Variants in ERG observed in about 807,000 individuals in gnomAD.
ERG encodes the protein ETS transcription factor ERG.
A neutral mutation model predicts 55.3 loss-of-function variants in ERG; 9 were observed. That is an observed-to-expected ratio of 0.16 (90% confidence interval 0.10 to 0.28). The LOEUF is 0.28. Among genes scored for constraint, ERG ranks in the 10% least tolerant of loss-of-function variants. The pLI is 1.00. For missense variants in ERG, 434 were observed against 631.6 expected, an observed-to-expected ratio of 0.69 and a Z score of 3.35; for synonymous variants, 223 against 237.3, an observed-to-expected ratio of 0.94 and a Z score of 0.55.
intron 1 of ERG, among the ~76,000 whole-genome samples, chr21:38,634,926 A>G (rs913102864): frequency 6.6e-6 from 1 of 152,244 alleles, no homozygotes; most frequent in African/African-American, 2.4e-5. Flanking sequence ...GTGAATGGAT[A>G]AACAAAGTGT....
intron 1 of ERG, among the ~76,000 whole-genome samples, chr21:38,576,353 T>C (rs1460096064): frequency 1.3e-5 from 2 of 152,186 alleles, no homozygotes; most frequent in African/African-American, 4.8e-5. Context: ...GTTACTGATT[T>C]GTCCAGGATC....
chr21:38,374,534 T>C, the ERG span, among the ~76,000 whole-genome samples: 1 of 152,210 alleles, frequency 6.6e-6, no homozygotes, highest in Admixed American at 6.5e-5. Flanking sequence ...ACTACTTTAA[T>C]ATATTTAACT....
intron 8 of ERG, 44 bp downstream of exon 8, chr21:38,391,615 C>T: frequency 1.3e-6 from 2 of 1,495,370 alleles, no homozygotes; most frequent in South Asian, 2.4e-5. Flanking sequence ...GCTGCTGAGC[C>T]TGAATCTTCT....
At chr21:38,389,222 A>G (rs964436612) in intron 9 of ERG, among the ~76,000 whole-genome samples, 1 of 152,166 alleles carries the variant, frequency 6.6e-6, no homozygotes, top group Non-Finnish European at 1.5e-5. Flanking sequence ...AGACAGAGTC[A>G]GGTTTCTAAC....
chr21:38,642,076 G>T (rs1255849910), intron 1 of ERG, among the ~76,000 whole-genome samples: 1 of 152,154 alleles, frequency 6.6e-6, no homozygotes, highest in Admixed American at 6.5e-5. Context: ...GACATACGAT[G>T]GAATACTAGA....
intron 3 of ERG, among the ~76,000 whole-genome samples, chr21:38,420,024 A>T (rs1215324495): frequency 2.1e-5 from 3 of 145,826 alleles, no homozygotes; most frequent in Non-Finnish European, 3.0e-5. Flanking sequence ...TTTAGGAATA[A>T]CTGATGGTTT....
chr21:38,445,220 C>T (rs2058880210), intron 2 of ERG, among the ~76,000 whole-genome samples, 184 bp downstream of exon 2: 1 of 150,734 alleles, frequency 6.6e-6, no homozygotes, highest in Non-Finnish European at 1.5e-5. Flanking sequence ...CGGCTCACTG[C>T]AACCTCTGCC....
chr21:38,393,138 C>T (rs1380570278), intron 6 of ERG, among the ~76,000 whole-genome samples: 1 of 152,134 alleles, frequency 6.6e-6, no homozygotes, highest in African/African-American at 2.4e-5. Context: ...GCTCCCACAG[C>T]CCATTAATGA....
Position 38,380,314 on chromosome 21 carries a change from G to A in ERG, c.*3089C>T. 1.9e-6 allele frequency: 2 copies of A among 1,056,020 alleles called. No individual in the cohort carries two copies. Among genetic ancestry groups the A allele is most frequent in the Non-Finnish European group, 2.3e-6 (2 of 873,478 alleles). The allele number at this position is 1,056,020 out of a possible 1,614,324, so 65.4% of individuals were successfully genotyped here. ...GGGTTGCAGGTGCCACATCTGTGCAGAAGGCTTAGGAGAAGCAGTGAGCCT... is the reference window on the plus strand; with the variant it reads ...GGGTTGCAGGTGCCACATCTGTGCAAAAGGCTTAGGAGAAGCAGTGAGCCT... On this transcript the variant is annotated 3_prime_UTR_variant, in exon 10 of 10. Coordinates refer to ENST00000288319, the MANE Select transcript of ERG (RefSeq NM_182918.4).
chr21:38,566,363 C>T (rs1263405592), intron 2 of ERG, among the ~76,000 whole-genome samples: 1 of 152,222 alleles, frequency 6.6e-6, no homozygotes, highest in African/African-American at 2.4e-5. Flanking sequence ...TGGCCCCACA[C>T]TGAGTCCTAC....
At chr21:38,629,665 A>G (rs561399841) in intron 1 of ERG, among the ~76,000 whole-genome samples, 376 of 152,338 alleles carry the variant, frequency 2.5e-3, no homozygotes, top group Non-Finnish European at 2.5e-3. Flanking sequence ...GGAGCATGAA[A>G]TAGTACAGCT....
chr21:38,628,376 A>C (rs2060337859), intron 1 of ERG, among the ~76,000 whole-genome samples: 1 of 152,190 alleles, frequency 6.6e-6, no homozygotes, highest in South Asian at 2.1e-4. Flanking sequence ...TTTAAAAAAC[A>C]TTGTCAAGAG....
intron 1 of ERG, among the ~76,000 whole-genome samples, chr21:38,659,954 G>A (rs2060541904): frequency 6.6e-6 from 1 of 152,192 alleles, no homozygotes; most frequent in African/African-American, 2.4e-5. Context: ...TGCAATTAGG[G>A]TGGTAAACTG....
intron 2 of ERG, among the ~76,000 whole-genome samples, chr21:38,534,947 G>T (rs1044118053): frequency 2.0e-5 from 3 of 152,046 alleles, no homozygotes; most frequent in Non-Finnish European, 4.4e-5. Flanking sequence ...AATTAAAGTG[G>T]TTTTTTTAAT....
intron 3 of ERG, among the ~76,000 whole-genome samples, chr21:38,413,664 A>C (rs1198096666): frequency 6.6e-6 from 1 of 152,140 alleles, no homozygotes; most frequent in Non-Finnish European, 1.5e-5. Context: ...TCTGGATGAA[A>C]CCATTCTCAA....
At chr21:38,580,036 G>A (rs1277326655) in intron 1 of ERG, among the ~76,000 whole-genome samples, 1 of 152,122 alleles carries the variant, frequency 6.6e-6, no homozygotes, top group Non-Finnish European at 1.5e-5. Flanking sequence ...TAGCCAGGAT[G>A]GTATCGATCT....
At chr21:38,493,471 C>A (rs1355755553) in intron 1 of ERG, among the ~76,000 whole-genome samples, 1 of 152,156 alleles carries the variant, frequency 6.6e-6, no homozygotes, top group East Asian at 1.9e-4. Context: ...AGGATCTGAA[C>A]AATTTATATT....
At chr21:38,438,042 A>G (rs111467894) in intron 2 of ERG, among the ~76,000 whole-genome samples, 114 of 152,162 alleles carry the variant, frequency 7.5e-4, no homozygotes, top group Admixed American at 1.6e-3. Context: ...TGGACACTAA[A>G]CAGCAGCCAC....
chr21:38,647,841 G>A (rs545078895), intron 1 of ERG, among the ~76,000 whole-genome samples: 2 of 152,220 alleles, frequency 1.3e-5, no homozygotes, highest in South Asian at 4.1e-4. Flanking sequence ...AGAAGCCAAT[G>A]GGTATTAAAG....
Sources: allele counts gnomAD v4.1 joint callset (sites outside exome capture counted in the v4.1 genomes callset), GRCh38; gene constraint gnomAD v4.1.1; transcripts MANE v1.5; gene names NCBI Gene and HGNC (gene_info 2026-07-23, HGNC 2026-07-21).